CHSY1: variants seen among roughly 807,000 people sequenced by gnomAD.
CHSY1 encodes chondroitin sulfate synthase 1, also known as N-acetylgalactosaminyl-proteoglycan 3-beta-glucuronosyltransferase 1.
Under a neutral mutation model 59.8 loss-of-function variants are expected in CHSY1, and 13 were observed. The observed-to-expected ratio is 0.22, with a 90% CI of 0.14 to 0.35. CHSY1 has a LOEUF of 0.35. Ranked by LOEUF, CHSY1 falls within the 10% of genes least tolerant of loss-of-function variation. The pLI is 1.00. For synonymous variants in CHSY1, 459 were observed against 401.2 expected (o/e 1.14, Z -1.72); for missense variants, 947 against 1,030.6 (o/e 0.92, Z 1.11).
intron 1 of CHSY1, among the ~76,000 whole-genome samples, chr15:101,248,675 G>A (rs1249750047): frequency 1.3e-5 from 2 of 152,248 alleles, no homozygotes; most frequent in Admixed American, 6.5e-5. Flanking sequence ...TCCAGAAAAA[G>A]ATGAGGGAAG....
intron 2 of CHSY1, among the ~76,000 whole-genome samples, chr15:101,208,921 A>C (rs1017441613): frequency 6.6e-6 from 1 of 152,224 alleles, no homozygotes; most frequent in African/African-American, 2.4e-5. Flanking sequence ...AACTAATAAA[A>C]GTAGAAAGAA....
At chr15:101,209,696 T>C (rs1469491656) in intron 2 of CHSY1, among the ~76,000 whole-genome samples, 2 of 152,238 alleles carry the variant, frequency 1.3e-5, no homozygotes. Flanking sequence ...AATCTTTCTA[T>C]ATTTTCTATG....
chr15:101,178,353 A>T lies in CHSY1; in HGVS notation c.1444T>A (p.Phe482Ile). The change falls in exon 3 of 3, where the codon TTT (phenylalanine) becomes ATT (isoleucine). Residue 482 changes from phenylalanine to isoleucine, a missense_variant. Physicochemically the swap from Phe to Ile is conservative, Grantham distance 21. Around this residue, in one of 4 missense-constraint regions of CHSY1, gnomAD observed 602 missense variants for 676.9 expected, o/e 0.89. Coordinates refer to ENST00000254190, the MANE Select transcript of CHSY1 (RefSeq NM_014918.5). ...GCATCCAGCTCCTCATGCTCCACAA[A>T]CTGGATTTTGCTGAAAGTCTGCTGT... ...YLQQTFSKIQ[F>I]VEHEELDAQE... 6.2e-7 allele frequency: 1 copy of T among 1,607,718 alleles called. No individual in the cohort carries two copies. The highest frequency in any genetic ancestry group is 8.5e-7 in the Non-Finnish European group (1 of 1,174,844).
intron 2 of CHSY1, among the ~76,000 whole-genome samples, chr15:101,207,969 A>G (rs557212944): frequency 2.0e-5 from 3 of 152,242 alleles, no homozygotes; most frequent in Non-Finnish European, 4.4e-5. Context: ...GTTGAGTCAC[A>G]TAGGGAAGGC....
intron 2 of CHSY1, among the ~76,000 whole-genome samples, chr15:101,217,714 T>C (rs1257701391): frequency 6.6e-6 from 1 of 152,110 alleles, no homozygotes; most frequent in Non-Finnish European, 1.5e-5. Context: ...AAAATATAAA[T>C]ACGCATGGGG....
In CHSY1 at chr15:101,234,736, G is replaced by A. The variant is rs138865935; in HGVS notation, c.816+346C>T. Among the ~76,000 whole-genome samples, 715 of 152,166 alleles carry A rather than the reference G, an allele frequency of 4.7e-3. 13 individuals carry two copies. The East Asian group carries it at 0.047, about 10-fold the overall frequency. On this transcript the variant is annotated intron_variant, in intron 2 of 2. Coordinates refer to ENST00000254190, the MANE Select transcript of CHSY1 (RefSeq NM_014918.5). The stretch of plus-strand genomic sequence containing the variant: ...ACAGAAATTAGCCTAGCGTGGTGGC[G>A]CCTGCCTATAATCCTAGCTACTCGG...
At chr15:101,197,200 G>A (rs1596436928) in intron 2 of CHSY1, among the ~76,000 whole-genome samples, 3 of 152,290 alleles carry the variant, frequency 2.0e-5, no homozygotes, top group Admixed American at 6.5e-5. Context: ...CAGCCCCAAC[G>A]GGTGGAAGGA....
intron 2 of CHSY1, 26 bp downstream of exon 2, chr15:101,235,056 C>G: frequency 6.2e-7 from 1 of 1,610,996 alleles, no homozygotes; most frequent in South Asian, 1.1e-5. Context: ...TTAAGTTTTT[C>G]CCATGGTAAA....
At chr15:101,197,925 A>AC (rs2038525599) in intron 2 of CHSY1, among the ~76,000 whole-genome samples, 1 of 152,036 alleles carries the variant, frequency 6.6e-6, no homozygotes, top group Non-Finnish European at 1.5e-5. Flanking sequence ...AGAAACAAAA[A>AC]CCCAGTCCAC....
chr15:101,178,630 G>A lies in CHSY1; in HGVS notation c.1167C>T (p.Asp389=), dbSNP rs139894017. The stretch of plus-strand genomic sequence containing the variant: ...CCATTCCTCTTCGAGGGGGCTGGCC[G>A]TCAACTGCCGAATACAAGTATTTTC... ...LTGKYLYSAV[D]GQPPRRGMDS... Residue 389 remains aspartate (D), a synonymous_variant, in exon 3 of 3, where the codon GAC becomes GAT. Coordinates refer to ENST00000254190, the MANE Select transcript of CHSY1 (RefSeq NM_014918.5). 7.4e-5 allele frequency: 119 copies of A among 1,614,092 alleles called. No homozygotes were observed. Among genetic ancestry groups the A allele is most frequent in the Middle Eastern group, 3.3e-4 (2 of 6,084 alleles).
At chr15:101,232,409 G>A (rs1222803084) in intron 2 of CHSY1, among the ~76,000 whole-genome samples, 1 of 152,066 alleles carries the variant, frequency 6.6e-6, no homozygotes, top group African/African-American at 2.4e-5. Flanking sequence ...AGCACTTAAA[G>A]CTTTATAAAA....
rs2012338 is a variant in CHSY1 at position 101,194,432 on chromosome 15, A to G, written c.817-15452T>C. On this transcript the variant is annotated intron_variant, in intron 2 of 2. Transcript: ENST00000254190. ...CAGCATTTTAAAGTATTTCAAAATG[A>G]TATTTCACAATTGCATTTTCAATTG... is the stretch of plus-strand genomic sequence containing the variant. Among the ~76,000 whole-genome samples the G allele has an allele frequency of 9.7e-3, 1,476 of 152,370 alleles. 21 individuals carry two copies. The highest frequency in any genetic ancestry group is 0.057 in the Admixed American group (868 of 15,310).
intron 2 of CHSY1, 37 bp from the exon 3 acceptor site, chr15:101,179,017 T>C (rs1596420092): frequency 1.3e-6 from 2 of 1,597,382 alleles, no homozygotes; most frequent in Non-Finnish European, 1.7e-6. Context: ...AAATTTAGTA[T>C]TGTATGATTG....
chr15:101,178,332 C>T lies in CHSY1; in HGVS notation c.1465G>A (p.Asp489Asn), dbSNP rs1459960347. Reference sequence around the variant, plus strand: ...ATTCTCTTGGCCAACTCTTGTGCATCCAGCTCCTCATGCTCCACAAACTGG... The same window carrying T: ...ATTCTCTTGGCCAACTCTTGTGCATTCAGCTCCTCATGCTCCACAAACTGG... ...KIQFVEHEEL[D>N]AQELAKRINQ... The change falls in exon 3 of 3, where the codon GAT (aspartate) becomes AAT (asparagine). Residue 489 changes from aspartate to asparagine, a missense_variant. By Grantham distance (23) the Asp-to-Asn change is conservative. Coordinates refer to ENST00000254190, the MANE Select transcript of CHSY1 (RefSeq NM_014918.5). The T allele has an allele frequency of 6.2e-7, 1 of 1,607,948 alleles. No individual in the cohort carries two copies.
chr15:101,235,067 G>T lies in CHSY1; in HGVS notation c.816+15C>A, dbSNP rs1326022039. The stretch of plus-strand genomic sequence containing the variant: ...AAAATTAAGTTTTTCCCATGGTAAA[G>T]AATTCTGTTCTTACCTCATAAGACC... On this transcript the variant is annotated intron_variant, in intron 2 of 2. Transcript: ENST00000254190. 2 of 1,612,554 alleles carry T rather than the reference G, an allele frequency of 1.2e-6. No homozygotes were observed. Among genetic ancestry groups the T allele is most frequent in the Admixed American group, 1.7e-5 (1 of 60,002 alleles).
intron 1 of CHSY1, among the ~76,000 whole-genome samples, chr15:101,248,969 T>G (rs2039078695): frequency 6.7e-6 from 1 of 150,038 alleles, no homozygotes; most frequent in African/African-American, 2.5e-5. Context: ...TTTTTTTTTT[T>G]TTTTTTTGCA....
rs148690433 is a variant in CHSY1 at position 101,176,258 on chromosome 15, G to C, written c.*1130C>G. On this transcript the variant is annotated 3_prime_UTR_variant, in exon 3 of 3. Transcript: ENST00000254190. ...AATTAAAGGTATTTCAGATACAAAGGATAAAACAAAACAGTAATGAAAGAA... is the reference window on the plus strand; with the variant it reads ...AATTAAAGGTATTTCAGATACAAAGCATAAAACAAAACAGTAATGAAAGAA... 855 of 398,356 alleles carry C rather than the reference G, an allele frequency of 2.1e-3. 14 individuals carry two copies. In the East Asian group the frequency reaches 0.027, roughly 12 times the overall value. The allele number at this position is 398,356 out of a possible 1,614,324, so 24.7% of individuals were successfully genotyped here.
At position 101,186,311 on chromosome 15, in the gene CHSY1, C is replaced by T. The variant is rs555975683; in HGVS notation, c.817-7331G>A. On this transcript the variant is annotated intron_variant, in intron 2 of 2. Transcript: ENST00000254190. The stretch of plus-strand genomic sequence containing the variant: ...CTCCAGCCTGGGTGACAAAGTGAGA[C>T]CCTGTCTCAAATAAATAAATAAATA... Among the ~76,000 whole-genome samples, 3 of 138,526 alleles carry T rather than the reference C, an allele frequency of 2.2e-5. No homozygotes were observed. The East Asian group carries it at 6.1e-4, about 28-fold the overall frequency. The allele number at this position is 138,526 out of a possible 152,430, so 90.9% of individuals were successfully genotyped here.
chr15:101,226,040 A>G (rs992358661), intron 2 of CHSY1, among the ~76,000 whole-genome samples: 4 of 152,254 alleles, frequency 2.6e-5, no homozygotes, highest in African/African-American at 9.6e-5. Context: ...CCAACAAAAT[A>G]ATCACAGATC....
Sources: allele counts gnomAD v4.1 joint callset (sites outside exome capture counted in the v4.1 genomes callset), GRCh38; gene constraint gnomAD v4.1.1; regional missense constraint gnomAD v4.1.1; transcripts MANE v1.5; gene names NCBI Gene and HGNC (gene_info 2026-07-23, HGNC 2026-07-21).